The following NR2E1 variants were observed in gnomAD, a reference collection of about 807,000 sequenced individuals.
NR2E1 encodes the protein nuclear receptor TLX.
Under a neutral mutation model 43.6 loss-of-function variants are expected in NR2E1, and 5 were observed. That is an observed-to-expected ratio of 0.11 (90% CI 0.06 to 0.24). NR2E1 has a LOEUF of 0.24. Among genes scored for constraint, NR2E1 ranks in the 10% least tolerant of loss-of-function variants. The pLI is 1.00. For missense variants in NR2E1, 287 were observed against 496.7 expected, an observed-to-expected ratio of 0.58 and a Z score of 4.01; for synonymous variants, 191 against 195.5, an observed-to-expected ratio of 0.98 and a Z score of 0.19.
intron 8 of NR2E1, among the ~76,000 whole-genome samples, chr6:108,186,203 T>C (rs1360093783): frequency 6.6e-6 from 1 of 152,148 alleles, no homozygotes; most frequent in Non-Finnish European, 1.5e-5. Flanking sequence ...AGATGTGGTC[T>C]GGTGGCCCCT....
rs926523916 is a variant in NR2E1, at chr6:108,188,235, A to G, written c.*772A>G. The G allele has an allele frequency of 6.6e-6, 1 of 152,308 alleles. No homozygotes were observed. Among genetic ancestry groups the G allele is most frequent in the African/African-American group, 2.4e-5 (1 of 41,440 alleles). 9.4% of individuals were successfully genotyped at this position (152,308 alleles called of 1,614,324 possible). A position where few individuals can be genotyped will look rare whatever the true frequency, so the allele number is the denominator to read the frequency against. ...ACATAAGTCAAGGGAGGATGAATAA[A>G]AACAGCAAAACCAAATAAAGTGGAG... On this transcript the variant is annotated 3_prime_UTR_variant, in exon 9 of 9. Coordinates refer to ENST00000368986, the MANE Select transcript of NR2E1 (RefSeq NM_003269.5).
intron 8 of NR2E1, 102 bp from the exon 9 acceptor site, chr6:108,187,199 C>T (rs987509176): frequency 1.5e-6 from 2 of 1,338,116 alleles, no homozygotes; most frequent in African/African-American, 1.4e-5. Flanking sequence ...ATTCAAGAGA[C>T]CTAGATCAGC....
chr6:108,172,532 C>T (rs547784726), intron 2 of NR2E1, among the ~76,000 whole-genome samples: 1 of 152,220 alleles, frequency 6.6e-6, no homozygotes, highest in East Asian at 1.9e-4. Context: ...TGGTCCTACA[C>T]TTTGCCCTCT....
rs1208534293 is a variant in NR2E1 at position 108,166,760 on chromosome 6, G to A, written c.-6G>A. The A allele has an allele frequency of 1.9e-6, 3 of 1,580,320 alleles. No individual in the cohort carries two copies. Among genetic ancestry groups the A allele is most frequent in the East Asian group, 2.3e-5 (1 of 43,772 alleles). ...CCACCAACCGCTCCGCCCCGGGACA[G>A]CCAGCATGAGCAAGCCAGCCGGATC... is the stretch of plus-strand genomic sequence containing the variant. On this transcript the variant is annotated 5_prime_UTR_variant, in exon 1 of 9. Transcript: ENST00000368986. This position sits in a 1 kb window ranked among gnomAD's most constrained non-coding sequence, Gnocchi z 7.2.
chr6:108,172,722 T>C (rs1773832470), intron 2 of NR2E1, among the ~76,000 whole-genome samples: 1 of 152,262 alleles, frequency 6.6e-6, no homozygotes, highest in Admixed American at 6.5e-5. Context: ...TAGTGAATTG[T>C]TCTGACATCT....
intron 1 of NR2E1, chr6:108,168,675 C>T (rs1478695223): frequency 1.3e-5 from 2 of 152,472 alleles, no homozygotes; most frequent in Non-Finnish European, 2.9e-5. Flanking sequence ...CATTTAGGCC[C>T]TTTCCAGACC....
chr6:108,166,847 G>C lies in NR2E1; in HGVS notation c.25+57G>C. ...GGCGCGCAGCCTGGGGCGAGCGAGCGGGGAGGCTGGGGGAGGTCCTGCCTG... is the reference window on the plus strand; with the variant it reads ...GGCGCGCAGCCTGGGGCGAGCGAGCCGGGAGGCTGGGGGAGGTCCTGCCTG... On this transcript the variant is annotated intron_variant, in intron 1 of 8. Transcript: ENST00000368986. This position sits in a 1 kb window ranked among gnomAD's most constrained non-coding sequence, Gnocchi z 7.2. 1 of 1,495,606 alleles carries C rather than the reference G, an allele frequency of 6.7e-7. No homozygotes were observed. The highest frequency in any genetic ancestry group is 9.1e-7 in the Non-Finnish European group (1 of 1,099,002). 92.6% of individuals were successfully genotyped at this position (1,495,606 alleles called of 1,614,324 possible).
At chr6:108,181,478 G>A (rs534572859) in intron 7 of NR2E1, 68 bp from the exon 8 acceptor site, 4 of 1,308,134 alleles carry the variant, frequency 3.1e-6, no homozygotes, top group Non-Finnish European at 4.4e-6. Context: ...ACAGGCGTGA[G>A]CACTGCGCTC....
chr6:108,176,175 G>T (rs971311171), intron 3 of NR2E1: 18 of 386,780 alleles, frequency 4.7e-5, no homozygotes, highest in African/African-American at 3.3e-4. Context: ...GAGGGTCTCT[G>T]GTTTCCCTGC....
rs1773709726 is a variant in NR2E1, at chr6:108,166,465, AG to A, written c.-300del. ...CTCTTGCTGTTCTTCCTTCTTCCTCAGTCTTCCTGTCCATCTCTCCATCTGT... is the reference window on the plus strand; with the variant it reads ...CTCTTGCTGTTCTTCCTTCTTCCTCATCTTCCTGTCCATCTCTCCATCTGT... On this transcript the variant is annotated 5_prime_UTR_variant, in exon 1 of 9. Coordinates refer to ENST00000368986, the MANE Select transcript of NR2E1 (RefSeq NM_003269.5). The surrounding 1 kb of genome is among the most constrained non-coding windows in gnomAD (Gnocchi z 7.2). 1 of 383,632 alleles carries A rather than the reference AG, an allele frequency of 2.6e-6. No individual in the cohort carries two copies. Among genetic ancestry groups the A allele is most frequent in the South Asian group, 6.3e-5 (1 of 15,882 alleles). The allele number at this position is 383,632 out of a possible 1,614,324, so 23.8% of individuals were successfully genotyped here. A position where few individuals can be genotyped will look rare whatever the true frequency, so the allele number is the denominator to read the frequency against.
rs1774098810 is a variant in NR2E1, at chr6:108,187,769, A to C, written c.*306A>C. On this transcript the variant is annotated 3_prime_UTR_variant, in exon 9 of 9. Coordinates refer to ENST00000368986, the MANE Select transcript of NR2E1 (RefSeq NM_003269.5). ...CCGTGCCATTCTGCCTCTTACCTGGAAGATCAGGCTGAACGATCAAAAGCT... is the reference window on the plus strand; with the variant it reads ...CCGTGCCATTCTGCCTCTTACCTGGCAGATCAGGCTGAACGATCAAAAGCT... 3 of 406,276 alleles carry C rather than the reference A, an allele frequency of 7.4e-6. No individual in the cohort carries two copies. The highest frequency in any genetic ancestry group is 6.8e-5 in the South Asian group (3 of 44,158). 25.2% of individuals were successfully genotyped at this position (406,276 alleles called of 1,614,324 possible).
In NR2E1 at chr6:108,188,355, CA is replaced by C. The variant is rs1298282398; in HGVS notation, c.*893del. On this transcript the variant is annotated 3_prime_UTR_variant, in exon 9 of 9. Coordinates refer to ENST00000368986, the MANE Select transcript of NR2E1 (RefSeq NM_003269.5). Reference sequence around the variant, plus strand: ...AAACTCGTGGTGCAGCAAGTCACACCAGACAGGAAACGAATATGGACGTAAT... The same window carrying C: ...AAACTCGTGGTGCAGCAAGTCACACCGACAGGAAACGAATATGGACGTAAT... 6.6e-6 allele frequency: 1 copy of C among 152,238 alleles called. No individual in the cohort carries two copies. Among genetic ancestry groups the C allele is most frequent in the Non-Finnish European group, 1.5e-5 (1 of 68,094 alleles). 9.4% of individuals were successfully genotyped at this position (152,238 alleles called of 1,614,324 possible).
chr6:108,170,725 C>T (rs1234380016), intron 1 of NR2E1, among the ~76,000 whole-genome samples: 1 of 152,126 alleles, frequency 6.6e-6, no homozygotes, highest in Non-Finnish European at 1.5e-5. Context: ...GGGAGCCTGT[C>T]CCAAGCTAAC....
chr6:108,184,362 A>G (rs1435819528), intron 8 of NR2E1, among the ~76,000 whole-genome samples: 1 of 152,192 alleles, frequency 6.6e-6, no homozygotes, highest in Non-Finnish European at 1.5e-5. Flanking sequence ...AGTACTGGCC[A>G]CATGCAGGGC....
chr6:108,171,653 C>G (rs890282554), intron 2 of NR2E1, 50 bp downstream of exon 2: 3 of 1,611,404 alleles, frequency 1.9e-6, no homozygotes, highest in African/African-American at 1.3e-5. Flanking sequence ...TGCCTCCTCA[C>G]TCTTTTGTTT....
intron 1 of NR2E1, among the ~76,000 whole-genome samples, chr6:108,170,920 G>A (rs62427098): frequency 6.6e-6 from 1 of 152,210 alleles, no homozygotes; most frequent in Admixed American, 6.5e-5. Context: ...AATAATCCAA[G>A]TATTAGCATT....
At chr6:108,182,898 G>T (rs1286011869) in intron 8 of NR2E1, among the ~76,000 whole-genome samples, 3 of 151,766 alleles carry the variant, frequency 2.0e-5, no homozygotes, top group African/African-American at 7.3e-5. Context: ...ACAAGGTCTT[G>T]CTATGTTGCC....
chr6:108,175,735 G>C (rs1246710564), intron 3 of NR2E1, among the ~76,000 whole-genome samples: 1 of 152,154 alleles, frequency 6.6e-6, no homozygotes, highest in Non-Finnish European at 1.5e-5. Context: ...GCTGTGAGGC[G>C]GCCCGGGCCG....
intron 4 of NR2E1, among the ~76,000 whole-genome samples, chr6:108,177,037 A>C (rs986968879): frequency 1.3e-5 from 2 of 152,172 alleles, no homozygotes; most frequent in African/African-American, 4.8e-5. Context: ...CTGCACCTTT[A>C]GGAAACACCC....
Sources: allele counts gnomAD v4.1 joint callset (sites outside exome capture counted in the v4.1 genomes callset), GRCh38; gene constraint gnomAD v4.1.1; non-coding constraint Gnocchi (gnomAD v3.1); transcripts MANE v1.5; gene names NCBI Gene and HGNC (gene_info 2026-07-23, HGNC 2026-07-21).